Variants in NUGGC observed in about 807,000 individuals in gnomAD.
NUGGC encodes the protein nuclear GTPase SLIP-GC.
Under a neutral mutation model 92.6 loss-of-function variants are expected in NUGGC, and 58 were observed. The ratio of observed to expected loss-of-function variants is 0.63; its 90% CI spans 0.51 to 0.78. NUGGC has a LOEUF of 0.78. Among genes scored for constraint, NUGGC ranks in the 30% least tolerant of loss-of-function variants. NUGGC has a pLI of 0.00. For synonymous variants in NUGGC, 376 were observed against 366.4 expected, an observed-to-expected ratio of 1.03 and a Z score of -0.30; for missense variants, 925 against 964.6, an observed-to-expected ratio of 0.96 and a Z score of 0.54.
rs984550104 is a variant in NUGGC, at chr8:28,022,065, C to T, written c.*1252G>A. The T allele has an allele frequency of 6.2e-5, 9 of 144,290 alleles. No individual in the cohort carries two copies. Among genetic ancestry groups the T allele is most frequent in the African/African-American group, 2.1e-4 (8 of 38,704 alleles). The allele number at this position is 144,290 out of a possible 1,614,324, so 8.9% of individuals were successfully genotyped here. A position where few individuals can be genotyped will look rare whatever the true frequency, so the allele number is the denominator to read the frequency against. On this transcript the variant is annotated 3_prime_UTR_variant, in exon 19 of 19. Coordinates refer to ENST00000413272, the MANE Select transcript of NUGGC (RefSeq NM_001010906.2). Reference sequence around the variant, plus strand: ...TTGAAGGATGAATTTCTTTTTATGGCTTGTTTTATATCGTGCAATGTTTTT... The same window carrying T: ...TTGAAGGATGAATTTCTTTTTATGGTTTGTTTTATATCGTGCAATGTTTTT...
intron 7 of NUGGC, among the ~76,000 whole-genome samples, chr8:28,064,253 T>A (rs1189569020): frequency 6.6e-6 from 1 of 152,170 alleles, no homozygotes; most frequent in African/African-American, 2.4e-5. Context: ...TCACTCTGTT[T>A]CCTCTTAAGC....
chr8:28,053,529 G>A (rs1810059674), intron 10 of NUGGC, among the ~76,000 whole-genome samples: 1 of 152,096 alleles, frequency 6.6e-6, no homozygotes. Flanking sequence ...TACAAGTAAA[G>A]GTTTCACAAT....
At chr8:28,081,809 C>A (rs181272879) in intron 1 of NUGGC, among the ~76,000 whole-genome samples, 1 of 150,984 alleles carries the variant, frequency 6.6e-6, no homozygotes, top group Non-Finnish European at 1.5e-5. Context: ...ACCCGGGAGG[C>A]GGAGGTTGCA....
intron 13 of NUGGC, among the ~76,000 whole-genome samples, chr8:28,039,198 T>C (rs1809630603): frequency 6.6e-6 from 1 of 151,952 alleles, no homozygotes; most frequent in Admixed American, 6.6e-5. Flanking sequence ...TCCTTTCCTT[T>C]CATCCAAATT....
intron 1 of NUGGC, among the ~76,000 whole-genome samples, chr8:28,081,836 C>T (rs1228582235): frequency 6.6e-6 from 1 of 151,580 alleles, no homozygotes; most frequent in Non-Finnish European, 1.5e-5. Flanking sequence ...TGAGATCATG[C>T]CACTGCACTC....
chr8:28,051,805 C>G lies in NUGGC; in HGVS notation c.1206+4160G>C, dbSNP rs563540345. On this transcript the variant is annotated intron_variant, in intron 10 of 18. Coordinates refer to ENST00000413272, the MANE Select transcript of NUGGC (RefSeq NM_001010906.2). ...GGCCTGGTGGCCCATGCCTGTAATC[C>G]CAGCTACTTGGGAGGCTGAGGCAGG... Among the ~76,000 whole-genome samples, 46 of 152,252 alleles carry G rather than the reference C, an allele frequency of 3.0e-4. 1 individual carries two copies. Among genetic ancestry groups the G allele is most frequent in the African/African-American group, 1.0e-3 (42 of 41,536 alleles).
chr8:28,081,183 G>A (rs1021354468), intron 1 of NUGGC, among the ~76,000 whole-genome samples: 10 of 152,064 alleles, frequency 6.6e-5, no homozygotes, highest in Admixed American at 1.3e-4. Flanking sequence ...CCTGGGCATG[G>A]TGCAGCATGC....
At chr8:28,050,778 T>G (rs1362390875) in intron 10 of NUGGC, among the ~76,000 whole-genome samples, 1 of 151,526 alleles carries the variant, frequency 6.6e-6, no homozygotes, top group Non-Finnish European at 1.5e-5. Flanking sequence ...GCCACTGCAT[T>G]CTAGCCTGGG....
chr8:28,029,203 T>A, intron 17 of NUGGC, 63 bp downstream of exon 17: 1 of 1,540,828 alleles, frequency 6.5e-7, no homozygotes, highest in Non-Finnish European at 8.8e-7. Context: ...CCTTCTGCAC[T>A]CGCTTCCTCT....
At chr8:28,032,375 G>C (rs992021648) in intron 14 of NUGGC, among the ~76,000 whole-genome samples, 7 of 152,176 alleles carry the variant, frequency 4.6e-5, no homozygotes, top group Admixed American at 4.6e-4. Context: ...GAGACTATGG[G>C]TGGCTGTACT....
intron 10 of NUGGC, among the ~76,000 whole-genome samples, chr8:28,053,701 C>T (rs898225540): frequency 2.6e-5 from 4 of 152,110 alleles, no homozygotes; most frequent in African/African-American, 7.2e-5. Flanking sequence ...CAAACCAATT[C>T]GGCATGTTTA....
intron 13 of NUGGC, among the ~76,000 whole-genome samples, chr8:28,037,085 C>T (rs1809573274): frequency 6.6e-6 from 1 of 152,198 alleles, no homozygotes; most frequent in South Asian, 2.1e-4. Context: ...CATGTCAAAA[C>T]TGTCTACGAT....
In NUGGC at chr8:28,047,533, T is replaced by C. The variant is rs761246645; in HGVS notation, c.1286A>G (p.Gln429Arg). Reference protein sequence around the residue: ...YTVSAQEYWQQALLTEEETEI... With the variant: ...YTVSAQEYWQRALLTEEETEI... ...CGTTTCCTCCTCGGTGAGGAGAGCC[T>C]GCTGCCAGTACTCCTGGGCGCTGAC... Residue 429 changes from glutamine to arginine, a missense_variant, in exon 11 of 19, where the codon CAG (glutamine) becomes CGG (arginine). Physicochemically the swap from Gln to Arg is conservative, Grantham distance 43. Coordinates refer to ENST00000413272, the MANE Select transcript of NUGGC (RefSeq NM_001010906.2). 1.5e-5 allele frequency: 23 copies of C among 1,564,938 alleles called. No homozygotes were observed. Among genetic ancestry groups the C allele is most frequent in the Non-Finnish European group, 1.9e-5 (22 of 1,153,138 alleles).
At chr8:28,068,069 AAAAAAGGAAGAGAAGG>A (rs1810487445) in intron 5 of NUGGC, 131 bp downstream of exon 5, 2 of 613,352 alleles carry the variant, frequency 3.3e-6, no homozygotes, top group Non-Finnish European at 5.8e-6. Context: ...AAAAGGAAGA[AAAAAAGGAAGAGAAGG>A]AAGAAGGAAA....
At chr8:28,052,110 C>T (rs545485387) in intron 10 of NUGGC, among the ~76,000 whole-genome samples, 1 of 152,260 alleles carries the variant, frequency 6.6e-6, no homozygotes, top group East Asian at 1.9e-4. Flanking sequence ...GTGTCTCAGC[C>T]TTGAATCTCA....
chr8:28,032,575 A>G (rs992072542), intron 14 of NUGGC, among the ~76,000 whole-genome samples: 2 of 151,974 alleles, frequency 1.3e-5, no homozygotes, highest in East Asian at 1.9e-4. Flanking sequence ...AAAATTAGCC[A>G]GGCATGGTGG....
intron 3 of NUGGC, chr8:28,070,034 G>C (rs1162653072): frequency 1.5e-5 from 13 of 889,412 alleles, no homozygotes; most frequent in Non-Finnish European, 1.8e-5. Flanking sequence ...TTCTAATCTG[G>C]AAGAAGTTAT....
At chr8:28,027,807 ACAG>A (rs1368321930) in intron 17 of NUGGC, among the ~76,000 whole-genome samples, 1 of 152,194 alleles carries the variant, frequency 6.6e-6, no homozygotes, top group Non-Finnish European at 1.5e-5. Flanking sequence ...CGAGAGATTC[ACAG>A]CTCCTAAACC....
rs761413051 is a variant in NUGGC, at chr8:28,067,520, C to T, written c.705G>A (p.Ala235=). The T allele has an allele frequency of 2.0e-5, 32 of 1,603,064 alleles. 1 individual carries two copies. The highest frequency in any genetic ancestry group is 1.8e-4 in the South Asian group (16 of 89,046). ...IPTSRVITLK[A]EEAEELSIKL... ...AAAACGAACTTGACGCTACCTCTTC[C>T]GCCTTGAGGGTGATGACTCTGGAGG... The change falls in exon 6 of 19, where the codon GCG becomes GCA. Residue 235 remains alanine (A), a synonymous_variant. Coordinates refer to ENST00000413272, the MANE Select transcript of NUGGC (RefSeq NM_001010906.2).
Sources: gnomAD v4.1 joint callset for allele counts (sites outside exome capture counted in the v4.1 genomes callset) on GRCh38, gnomAD v4.1.1 for gene constraint, MANE v1.5 for transcripts, NCBI Gene and HGNC (gene_info 2026-07-23, HGNC 2026-07-21) for gene names.